Variants in ACSM2A observed in about 807,000 individuals in gnomAD.
The protein encoded by ACSM2A is acyl-CoA synthetase medium chain family member 2A.
In ACSM2A, 72 loss-of-function variants were observed where a neutral mutation model predicts 76.6. The observed-to-expected ratio is 0.94, with a 90% CI of 0.78 to 1.14. The LOEUF (loss-of-function observed/expected upper bound fraction) is 1.14. ACSM2A is among the 50% of genes most tolerant of loss of function. ACSM2A has a pLI of 0.00. For synonymous variants in ACSM2A, 249 were observed against 255.9 expected, an observed-to-expected ratio of 0.97 and a Z score of 0.26; for missense variants, 684 against 708.5, an observed-to-expected ratio of 0.97 and a Z score of 0.39.
chr16:20,486,057 T>A (rs2072079), intron 13 of ACSM2A, among the ~76,000 whole-genome samples: 9,278 of 152,292 alleles, frequency 0.061, 599 homozygotes, highest in East Asian at 0.18. Flanking sequence ...TGAGGTATCC[T>A]AATTCTTAGA....
chr16:20,486,702 G>T lies in ACSM2A; in HGVS notation c.*24G>T. ...GAGACATCTAAGAGACATTCATTTGGATTCCCCTCTTCTTTCTCTTTCTTT... is the reference window on the plus strand; with the variant it reads ...GAGACATCTAAGAGACATTCATTTGTATTCCCCTCTTCTTTCTCTTTCTTT... On this transcript the variant is annotated 3_prime_UTR_variant, in exon 14 of 14. Coordinates refer to ENST00000573854, the MANE Select transcript of ACSM2A (RefSeq NM_001308172.2). 6.2e-7 allele frequency: 1 copy of T among 1,612,414 alleles called. No homozygotes were observed. The highest frequency in any genetic ancestry group is 1.1e-5 in the South Asian group (1 of 90,982).
In ACSM2A at chr16:20,475,677, C is replaced by T. The variant is rs145558453; in HGVS notation, c.1002C>T (p.Cys334=). The change falls in exon 8 of 14, where the codon TGC becomes TGT. Residue 334 remains cysteine, a synonymous_variant. Transcript: ENST00000573854. ...ACAAGTTCCCCCATCTACAGAACTGCGTCACTGTAGGGGAGTCCCTTCTTC... is the reference window on the plus strand; with the variant it reads ...ACAAGTTCCCCCATCTACAGAACTGTGTCACTGTAGGGGAGTCCCTTCTTC... The part of the protein sequence containing the change: ...SSYKFPHLQN[C]VTVGESLLPE... 2,270 of 1,614,040 alleles carry T rather than the reference C, an allele frequency of 1.4e-3. 3 individuals are homozygous for T. Among genetic ancestry groups the T allele is most frequent in the Non-Finnish European group, 1.4e-3 (1,683 of 1,179,926 alleles).
Position 20,471,190 on chromosome 16 carries a change from G to A in ACSM2A, c.714G>A (p.Leu238=). 4 of 1,611,118 alleles carry A rather than the reference G, an allele frequency of 2.5e-6. No individual in the cohort carries two copies. Among genetic ancestry groups the A allele is most frequent in the Non-Finnish European group, 3.4e-6 (4 of 1,178,006 alleles). Residue 238 remains leucine (L), a synonymous_variant, in exon 5 of 14, where the codon CTG becomes CTA. Transcript: ENST00000573854. ...PKMAEHSYSS[L]GLKAKMDAGW... is the part of the protein sequence containing the mutation. ...TGGCAGAACATTCCTACTCGAGCCT[G>A]GGCCTCAAGGCCAAGATGGATGCTG...
At chr16:20,469,741 C>A (rs1338236995) in intron 4 of ACSM2A, 22 bp downstream of exon 4, 1 of 1,613,330 alleles carries the variant, frequency 6.2e-7, no homozygotes, top group Admixed American at 1.7e-5. Context: ...CATGTCTCAG[C>A]CTGGGTTTTA....
In ACSM2A at chr16:20,460,280, G is replaced by A; in HGVS notation, c.166G>A (p.Asp56Asn). The A allele has an allele frequency of 6.2e-7, 1 of 1,613,676 alleles. No homozygotes were observed. The highest frequency in any genetic ancestry group is 8.5e-7 in the Non-Finnish European group (1 of 1,179,768). The change falls in exon 2 of 14, where the codon GAC becomes AAC. Residue 56 changes from aspartate (D) to asparagine (N), a missense_variant. Physicochemically the swap from Asp to Asn is conservative, Grantham distance 23 (BLOSUM62 1). Coordinates refer to ENST00000573854, the MANE Select transcript of ACSM2A (RefSeq NM_001308172.2). Reference sequence around the variant, plus strand: ...TAGTGATGTGTTGGATCACTGGGCTGACATGGAGAAGGTAATGGGGTGGAA... The same window carrying A: ...TAGTGATGTGTTGGATCACTGGGCTAACATGGAGAAGGTAATGGGGTGGAA... ...FASDVLDHWA[D>N]MEKAGKRLPS...
In ACSM2A at chr16:20,465,668, C is replaced by T. The variant is rs371502773; in HGVS notation, c.329C>T (p.Ala110Val). The T allele has an allele frequency of 8.1e-6, 13 of 1,613,882 alleles. No homozygotes were observed. The highest frequency in any genetic ancestry group is 1.3e-5 in the African/African-American group (1 of 74,926). Residue 110 changes from alanine to valine, a missense_variant, in exon 3 of 14, where the codon GCA becomes GTA. Around this residue, in one of 3 missense-constraint regions of ACSM2A, gnomAD observed 519 missense variants for 549.5 expected, o/e 0.94. Transcript: ENST00000573854. ...GGCCTGCAGCGTGGGGATCGTGTGG[C>T]AGTGGTGCTGCCCCGAGTGCCTGAG... Reference protein sequence around the residue: ...ACGLQRGDRVAVVLPRVPEWW... With the variant: ...ACGLQRGDRVVVVLPRVPEWW...
intron 2 of ACSM2A, among the ~76,000 whole-genome samples, chr16:20,463,127 T>C (rs1359207512): frequency 6.6e-6 from 1 of 151,468 alleles, no homozygotes; most frequent in Non-Finnish European, 1.5e-5. Flanking sequence ...ATATACCTAA[T>C]GTTAAATGAC....
chr16:20,466,563 C>T (rs1452531823), intron 3 of ACSM2A, among the ~76,000 whole-genome samples: 2 of 152,192 alleles, frequency 1.3e-5, no homozygotes, highest in African/African-American at 4.8e-5. Flanking sequence ...AAATCAGAGA[C>T]TAGAGTTTTT....
intron 2 of ACSM2A, among the ~76,000 whole-genome samples, chr16:20,463,779 T>C (rs2012781996): frequency 6.6e-6 from 1 of 152,324 alleles, no homozygotes; most frequent in Non-Finnish European, 1.5e-5. Context: ...ATTTGGTTTT[T>C]TGTGTCTGGC....
At chr16:20,468,845 G>A (rs2013185631) in intron 3 of ACSM2A, among the ~76,000 whole-genome samples, 2 of 152,180 alleles carry the variant, frequency 1.3e-5, no homozygotes, top group Admixed American at 1.3e-4. Flanking sequence ...ATTCAGTACT[G>A]TAAATTTCAG....
intron 13 of ACSM2A, among the ~76,000 whole-genome samples, chr16:20,483,525 G>A (rs1050759529): frequency 8.5e-6 from 1 of 116,986 alleles, no homozygotes; most frequent in Non-Finnish European, 1.6e-5. Flanking sequence ...AGCCGAGATT[G>A]TGCCACTGCA....
chr16:20,455,902 G>T (rs2012125673), intron 1 of ACSM2A, among the ~76,000 whole-genome samples: 1 of 151,330 alleles, frequency 6.6e-6, no homozygotes. Flanking sequence ...CTGCTTTCAA[G>T]AGACTCATCT....
chr16:20,456,513 T>C (rs2012165439), intron 1 of ACSM2A, among the ~76,000 whole-genome samples: 1 of 151,840 alleles, frequency 6.6e-6, no homozygotes, highest in African/African-American at 2.4e-5. Flanking sequence ...CAAAATCACG[T>C]GAATACGTGG....
At chr16:20,464,043 A>C (rs1381215005) in intron 2 of ACSM2A, among the ~76,000 whole-genome samples, 1 of 152,166 alleles carries the variant, frequency 6.6e-6, no homozygotes, top group East Asian at 1.9e-4. Flanking sequence ...CTTTGCTAAA[A>C]TATAGGAAGG....
At chr16:20,483,391 GA>G (rs34519917) in intron 13 of ACSM2A, among the ~76,000 whole-genome samples, 88,004 of 150,656 alleles carry the variant, frequency 0.58, 27,498 homozygotes, top group Non-Finnish European at 0.7. Context: ...CCAACATGGT[GA>G]AACCCCATCT....
At position 20,480,920 on chromosome 16, in the gene ACSM2A, A is replaced by G; in HGVS notation, c.1508A>G (p.Glu503Gly). Residue 503 changes from glutamate to glycine, a missense_variant and splice_region_variant, in exon 12 of 14, where the codon GAG becomes GGG. Physicochemically the swap from Glu to Gly is moderately conservative, Grantham distance 98. Around this residue, in one of 3 missense-constraint regions of ACSM2A, gnomAD observed 159 missense variants for 132.5 expected, o/e 1.20. Transcript: ENST00000573854. ...VISSPDPVRG[E>G]VVKAFVVLAS... ...AGCAGCCCAGACCCCGTCCGAGGAG[A>G]GGTGATGGGGAAGCAGTAGCCTGGG... 1 of 1,613,696 alleles carries G rather than the reference A, an allele frequency of 6.2e-7. No homozygotes were observed. The highest frequency in any genetic ancestry group is 8.5e-7 in the Non-Finnish European group (1 of 1,179,820).
At chr16:20,472,475 G>T (rs1390132144) in intron 6 of ACSM2A, among the ~76,000 whole-genome samples, 2 of 152,076 alleles carry the variant, frequency 1.3e-5, no homozygotes, top group Non-Finnish European at 2.9e-5. Flanking sequence ...ACCCCTAAAA[G>T]CCCTGCCTCC....
At chr16:20,477,998 G>C (rs2013849312) in intron 9 of ACSM2A, among the ~76,000 whole-genome samples, 4 of 152,144 alleles carry the variant, frequency 2.6e-5, no homozygotes, top group Admixed American at 1.3e-4. Context: ...TTGTGTTTGT[G>C]TATCTGTGTT....
At chr16:20,462,630 A>G (rs2012693812) in intron 2 of ACSM2A, among the ~76,000 whole-genome samples, 1 of 152,182 alleles carries the variant, frequency 6.6e-6, no homozygotes, top group African/African-American at 2.4e-5. Flanking sequence ...CTATGATCTG[A>G]GAACCCCTGA....
Sources: gnomAD v4.1 joint callset for allele counts (sites outside exome capture counted in the v4.1 genomes callset) on GRCh38, gnomAD v4.1.1 for gene constraint, gnomAD v4.1.1 regional missense constraint, MANE v1.5 for transcripts, NCBI Gene and HGNC (gene_info 2026-07-23, HGNC 2026-07-21) for gene names.